The following MRPS17 variants were observed in gnomAD, a reference collection of about 807,000 sequenced individuals.
MRPS17 encodes mitochondrial ribosomal protein S17, also known as small ribosomal subunit protein uS17m.
In MRPS17, 6 loss-of-function variants were observed where a neutral mutation model predicts 11.3. The ratio of observed to expected loss-of-function variants is 0.53; its 90% CI spans 0.29 to 1.05. The LOEUF is 1.05. Among genes scored for constraint, MRPS17 ranks in the 50% least tolerant of loss-of-function variants. The pLI is 0.08. For missense variants in MRPS17, 139 were observed against 153.6 expected, an observed-to-expected ratio of 0.90 and a Z score of 0.50; for synonymous variants, 56 against 60.4, an observed-to-expected ratio of 0.93 and a Z score of 0.34.
chr7:55,953,637 C>T (rs1471889929), intron 2 of MRPS17, among the ~76,000 whole-genome samples: 2 of 152,158 alleles, frequency 1.3e-5, no homozygotes, highest in Non-Finnish European at 2.9e-5. Flanking sequence ...GTCTGGCCAA[C>T]GTGGTGAAAC....
chr7:55,952,426 T>G (rs530718912), intron 1 of MRPS17: 1 of 152,468 alleles, frequency 6.6e-6, no homozygotes, highest in African/African-American at 2.4e-5. Context: ...GGGGAACGTG[T>G]AAGCATCTCT....
chr7:55,954,866 A>G, intron 2 of MRPS17, 43 bp from the exon 3 acceptor site: 1 of 1,591,446 alleles, frequency 6.3e-7, no homozygotes, highest in Non-Finnish European at 8.6e-7. Context: ...TTACCAGGTC[A>G]CAGATGGGAA....
chr7:55,955,700 G>T lies in MRPS17; in HGVS notation c.*522G>T, dbSNP rs1786718224. 1 of 155,558 alleles carries T rather than the reference G, an allele frequency of 6.4e-6. No individual in the cohort carries two copies. The highest frequency in any genetic ancestry group is 6.4e-5 in the Admixed American group (1 of 15,544). 9.6% of individuals were successfully genotyped at this position (155,558 alleles called of 1,614,324 possible). A position where few individuals can be genotyped will look rare whatever the true frequency, so the allele number is the denominator to read the frequency against. On this transcript the variant is annotated 3_prime_UTR_variant, in exon 3 of 3. Coordinates refer to ENST00000285298, the MANE Select transcript of MRPS17 (RefSeq NM_015969.3). Reference sequence around the variant, plus strand: ...CTGACCTCGTGATCTGCCTGCCTTGGCCTCTCAGAGTGCTGGGATTACAGG... The same window carrying T: ...CTGACCTCGTGATCTGCCTGCCTTGTCCTCTCAGAGTGCTGGGATTACAGG...
rs1786722827 is a variant in MRPS17, at chr7:55,956,077, C to G, written c.*899C>G. On this transcript the variant is annotated 3_prime_UTR_variant, in exon 3 of 3. Coordinates refer to ENST00000285298, the MANE Select transcript of MRPS17 (RefSeq NM_015969.3). ...CCCAGCCGGTTTCCTTTATTTCATT[C>G]AAAGGAATTTTGAATTTATCTTAGA... 1 of 151,816 alleles carries G rather than the reference C, an allele frequency of 6.6e-6. No homozygotes were observed. Among genetic ancestry groups the G allele is most frequent in the Non-Finnish European group, 1.5e-5 (1 of 67,992 alleles). 9.4% of individuals were successfully genotyped at this position (151,816 alleles called of 1,614,324 possible). A position where few individuals can be genotyped will look rare whatever the true frequency, so the allele number is the denominator to read the frequency against.
chr7:55,953,643 G>A (rs1430022680), intron 2 of MRPS17, among the ~76,000 whole-genome samples: 1 of 152,172 alleles, frequency 6.6e-6, no homozygotes, highest in African/African-American at 2.4e-5. Flanking sequence ...CCAACGTGGT[G>A]AAACCCCGTC....
chr7:55,953,126 T>G (rs1249668194), intron 1 of MRPS17, 53 bp from the exon 2 acceptor site: 1 of 1,597,628 alleles, frequency 6.3e-7, no homozygotes, highest in African/African-American at 1.3e-5. Context: ...TGTGACAAAA[T>G]TCATGTGGCA....
In MRPS17 at chr7:55,955,672, C is replaced by T. The variant is rs1382318283; in HGVS notation, c.*494C>T. 3 of 154,696 alleles carry T rather than the reference C, an allele frequency of 1.9e-5. No homozygotes were observed. The highest frequency in any genetic ancestry group is 4.2e-5 in the Non-Finnish European group (3 of 71,422). 9.6% of individuals were successfully genotyped at this position (154,696 alleles called of 1,614,324 possible). ...CCGTGTTAGCCAGGATGGTCTTGAT[C>T]TCCTGACCTCGTGATCTGCCTGCCT... is the stretch of plus-strand genomic sequence containing the variant. On this transcript the variant is annotated 3_prime_UTR_variant, in exon 3 of 3. Coordinates refer to ENST00000285298, the MANE Select transcript of MRPS17 (RefSeq NM_015969.3).
chr7:55,955,352 C>T lies in MRPS17; in HGVS notation c.*174C>T, dbSNP rs1016544181. ...ATGGTTTTTCACAAAGGTTTATGGT[C>T]GTGTTTCAAATTTTCATCATTTCAG... is the stretch of plus-strand genomic sequence containing the variant. On this transcript the variant is annotated 3_prime_UTR_variant, in exon 3 of 3. Transcript: ENST00000285298. 7.7e-6 allele frequency: 6 copies of T among 779,244 alleles called. No homozygotes were observed. The highest frequency in any genetic ancestry group is 3.5e-5 in the African/African-American group (2 of 56,744). The allele number at this position is 779,244 out of a possible 1,614,324, so 48.3% of individuals were successfully genotyped here.
intron 2 of MRPS17, among the ~76,000 whole-genome samples, chr7:55,953,720 G>A (rs1786684551): frequency 6.6e-6 from 1 of 152,182 alleles, no homozygotes; most frequent in South Asian, 2.1e-4. Flanking sequence ...TACTCTGGAG[G>A]CTGAGGCAGG....
At position 55,953,159 on chromosome 7, in the gene MRPS17, CTT is replaced by C. The variant is rs1335270043; in HGVS notation, c.-17-18_-17-17del. The C allele has an allele frequency of 3.7e-6, 6 of 1,613,260 alleles. No homozygotes were observed. Among genetic ancestry groups the C allele is most frequent in the African/African-American group, 1.3e-5 (1 of 74,878 alleles). On this transcript the variant is annotated intron_variant, in intron 1 of 2. Transcript: ENST00000285298. Reference sequence around the variant, plus strand: ...GCATCATAACCACCAGAATATGAGACTTTGGAATTTGCTTTTCAGGTGACCAA... The same window carrying C: ...GCATCATAACCACCAGAATATGAGACTGGAATTTGCTTTTCAGGTGACCAA...
chr7:55,953,686 G>C (rs952023057), intron 2 of MRPS17, among the ~76,000 whole-genome samples: 2 of 152,192 alleles, frequency 1.3e-5, no homozygotes. Context: ...GCTGGGCATA[G>C]TGGTGCGCAC....
In MRPS17 at chr7:55,955,637, C is replaced by T. The variant is rs546350481; in HGVS notation, c.*459C>T. 256 of 157,942 alleles carry T rather than the reference C, an allele frequency of 1.6e-3. 2 individuals are homozygous for T. Among genetic ancestry groups the T allele is most frequent in the Middle Eastern group, 3.3e-3 (1 of 300 alleles). The allele number at this position is 157,942 out of a possible 1,614,324, so 9.8% of individuals were successfully genotyped here. A position where few individuals can be genotyped will look rare whatever the true frequency, so the allele number is the denominator to read the frequency against. On this transcript the variant is annotated 3_prime_UTR_variant, in exon 3 of 3. Coordinates refer to ENST00000285298, the MANE Select transcript of MRPS17 (RefSeq NM_015969.3). ...TTTTTTTTGGTATTTTTAGTAGAGA[C>T]GGGGTTTCACCGTGTTAGCCAGGAT...
chr7:55,955,410 T>A lies in MRPS17; in HGVS notation c.*232T>A, dbSNP rs1786713036. 1 of 521,396 alleles carries A rather than the reference T, an allele frequency of 1.9e-6. No individual in the cohort carries two copies. Among genetic ancestry groups the A allele is most frequent in the Non-Finnish European group, 3.4e-6 (1 of 296,110 alleles). 32.3% of individuals were successfully genotyped at this position (521,396 alleles called of 1,614,324 possible). On this transcript the variant is annotated 3_prime_UTR_variant, in exon 3 of 3. Transcript: ENST00000285298. ...ACTTCCACGTTACATTAAGTGTGCC[T>A]AGCAGTCTGTTGCATTTTGTAAGCT...
In MRPS17 at chr7:55,952,454, C is replaced by G. The variant is rs534685084; in HGVS notation, c.-18+524C>G. ...GCATCTCTGAAATGGTGATTCAAGC[C>G]GGGCGCGGTGGCTCACGCCTCTTAA... is the stretch of plus-strand genomic sequence containing the variant. On this transcript the variant is annotated intron_variant, in intron 1 of 2. Coordinates refer to ENST00000285298, the MANE Select transcript of MRPS17 (RefSeq NM_015969.3). 3.3e-5 allele frequency among the ~76,000 whole-genome samples: 5 copies of G among 152,302 alleles called. No individual in the cohort carries two copies. In the East Asian group the frequency reaches 9.7e-4, roughly 29 times the overall value.
chr7:55,953,579 T>G (rs1398949749), intron 2 of MRPS17, among the ~76,000 whole-genome samples: 1 of 152,150 alleles, frequency 6.6e-6, no homozygotes, highest in Non-Finnish European at 1.5e-5. Flanking sequence ...CCCAGCACTT[T>G]GGGAGGCCGA....
intron 1 of MRPS17, 112 bp from the exon 2 acceptor site, chr7:55,953,067 G>A (rs1010988349): frequency 2.6e-6 from 3 of 1,161,646 alleles, no homozygotes; most frequent in Admixed American, 2.3e-5. Context: ...TGGGTGGAGG[G>A]GGGAACGAAA....
At chr7:55,952,733 T>G (rs1438302715) in intron 1 of MRPS17, among the ~76,000 whole-genome samples, 1 of 148,906 alleles carries the variant, frequency 6.7e-6, no homozygotes. Context: ...AAACTTCATC[T>G]AAAGAAAAAT....
Position 55,955,175 on chromosome 7 carries a change from G to C in MRPS17, c.390G>C (p.Gln130His). The C allele has an allele frequency of 6.2e-7, 1 of 1,610,432 alleles. No homozygotes were observed. The highest frequency in any genetic ancestry group is 8.5e-7 in the Non-Finnish European group (1 of 1,177,510). Residue 130 changes from glutamine (Q) to histidine (H), a missense_variant, in exon 3 of 3, where the codon CAG becomes CAC. By Grantham distance (24) the Gln-to-His change is conservative (BLOSUM62 0). Coordinates refer to ENST00000285298, the MANE Select transcript of MRPS17 (RefSeq NM_015969.3). ...NLEELNISSAQ is the reference protein window; with the variant it reads ...NLEELNISSAH ...AAGAACTCAATATCTCTTCAGCACA[G>C]TGAAGCGGGAGTGGAAGAAGGATCT...
intron 1 of MRPS17, 200 bp downstream of exon 1, chr7:55,952,130 G>C (rs1019972342): frequency 6.6e-6 from 1 of 151,586 alleles, no homozygotes; most frequent in East Asian, 1.9e-4. Context: ...GATCTCAAAA[G>C]CAGCCCAAGT....
Sources: allele counts gnomAD v4.1 joint callset (sites outside exome capture counted in the v4.1 genomes callset), GRCh38; gene constraint gnomAD v4.1.1; transcripts MANE v1.5; gene names NCBI Gene and HGNC (gene_info 2026-07-23, HGNC 2026-07-21).